Variants in SPRTN observed in about 807,000 individuals in gnomAD.
SPRTN encodes SprT-like N-terminal domain, also known as DNA-dependent metalloprotease SPRTN.
Under a neutral mutation model 31.9 loss-of-function variants are expected in SPRTN, and 11 were observed. That is an observed-to-expected ratio of 0.34 (90% CI 0.22 to 0.57). The LOEUF (loss-of-function observed/expected upper bound fraction) is 0.57, where lower values mean the gene tolerates loss of function less well. SPRTN is among the 20% of genes least tolerant of loss of function. SPRTN has a pLI of 0.86. For missense variants in SPRTN, 482 were observed against 590.1 expected, an observed-to-expected ratio of 0.82 and a Z score of 1.90; for synonymous variants, 185 against 212.1, an observed-to-expected ratio of 0.87 and a Z score of 1.11.
At chr1:231,342,034 T>G (rs561977105) in intron 2 of SPRTN, among the ~76,000 whole-genome samples, 4 of 152,220 alleles carry the variant, frequency 2.6e-5, no homozygotes, top group African/African-American at 9.6e-5. Flanking sequence ...CGCCTCAGCC[T>G]CCCAAAGTGC....
chr1:231,352,351 CTTG>C lies in SPRTN; in HGVS notation c.719-252_719-250del, dbSNP rs901686649. 34 of 1,152,446 alleles carry C rather than the reference CTTG, an allele frequency of 3.0e-5. No homozygotes were observed. In the Admixed American group the frequency reaches 1.2e-3, roughly 40 times the overall value. The allele number at this position is 1,152,446 out of a possible 1,614,324, so 71.4% of individuals were successfully genotyped here. On this transcript the variant is annotated intron_variant, in intron 4 of 4. Transcript: ENST00000295050. ...AAGCAATTTTCAAGGTAAATGTTGC[CTTG>C]TTGTTGGTCTTTGGCATGATAAGAT...
Position 231,354,676 on chromosome 1 carries a change from C to G in SPRTN, c.*1315C>G, listed in dbSNP as rs902295318. On this transcript the variant is annotated 3_prime_UTR_variant, in exon 5 of 5. Transcript: ENST00000295050. ...ATAGCAGGAGTTCATTTTCATTGCT[C>G]TTGCATTTGTATGAATATACTAGAA... The G allele has an allele frequency of 1.3e-5, 2 of 152,412 alleles. No homozygotes were observed. Among genetic ancestry groups the G allele is most frequent in the Non-Finnish European group, 2.9e-5 (2 of 68,254 alleles). 9.4% of individuals were successfully genotyped at this position (152,412 alleles called of 1,614,324 possible).
At chr1:231,352,170 A>T in intron 4 of SPRTN, 1 of 990,252 alleles carries the variant, frequency 1.0e-6, no homozygotes, top group Non-Finnish European at 1.2e-6. Context: ...TGTTGACCCA[A>T]GAACATAGGT....
In SPRTN at chr1:231,346,447, C is replaced by T. The variant is rs115185905; in HGVS notation, c.322-1350C>T. Among the ~76,000 whole-genome samples, 101 of 151,188 alleles carry T rather than the reference C, an allele frequency of 6.7e-4. 1 individual carries two copies. Among genetic ancestry groups the T allele is most frequent in the African/African-American group, 2.2e-3 (92 of 41,204 alleles). On this transcript the variant is annotated intron_variant, in intron 2 of 4. Transcript: ENST00000295050. The stretch of plus-strand genomic sequence containing the variant: ...GTCTCAATGTCCTGACCTCGTGATC[C>T]GGAAGTTGGGCGTTTTTTCATTTGT...
intron 3 of SPRTN, among the ~76,000 whole-genome samples, chr1:231,350,953 T>C (rs1244664143): frequency 1.3e-5 from 2 of 152,262 alleles, no homozygotes; most frequent in African/African-American, 4.8e-5. Context: ...TAAAATCTTA[T>C]CTTTATCCTA....
intron 4 of SPRTN, 131 bp from the exon 5 acceptor site, chr1:231,352,479 T>C (rs1472148564): frequency 7.0e-7 from 1 of 1,419,220 alleles, no homozygotes; most frequent in Non-Finnish European, 9.2e-7. Context: ...TTAATAGGAT[T>C]GTATGGATGT....
At chr1:231,348,722 T>C (rs2102870696) in intron 3 of SPRTN, among the ~76,000 whole-genome samples, 1 of 152,296 alleles carries the variant, frequency 6.6e-6, no homozygotes, top group Non-Finnish European at 1.5e-5. Flanking sequence ...TCCAGTGGCA[T>C]CTCATTTCTC....
rs114800735 is a variant in SPRTN, at chr1:231,354,262, A to T, written c.*901A>T. 2,129 of 972,280 alleles carry T rather than the reference A, an allele frequency of 2.2e-3. 36 individuals are homozygous for T. The African/African-American group carries it at 0.032, about 15-fold the overall frequency. 60.2% of individuals were successfully genotyped at this position (972,280 alleles called of 1,614,324 possible). ...TTGTGCATTTTAAGTAATCTTTTTT[A>T]AAAAAAATATTTTCCATGTTATAGG... On this transcript the variant is annotated 3_prime_UTR_variant, in exon 5 of 5. Transcript: ENST00000295050.
At chr1:231,342,461 G>T (rs1315727269) in intron 2 of SPRTN, among the ~76,000 whole-genome samples, 2 of 151,826 alleles carry the variant, frequency 1.3e-5, no homozygotes, top group Admixed American at 1.3e-4. Context: ...ATGGAGTTTT[G>T]CTCTTGTTGC....
At chr1:231,338,677 C>A in intron 1 of SPRTN, 73 bp downstream of exon 1, 1 of 1,571,730 alleles carries the variant, frequency 6.4e-7, no homozygotes, top group Non-Finnish European at 8.7e-7. Context: ...CTGGTTTTCT[C>A]TCCTTTCTCT....
rs1261293405 is a variant in SPRTN at position 231,354,457 on chromosome 1, T to G, written c.*1096T>G. ...CTTAAGTGCACAGCTGGGTAAACTT[T>G]TACAGTGTTCACCTGTGTAACTACC... On this transcript the variant is annotated 3_prime_UTR_variant, in exon 5 of 5. Transcript: ENST00000295050. 2.2e-6 allele frequency: 2 copies of G among 901,350 alleles called. No homozygotes were observed. The highest frequency in any genetic ancestry group is 2.7e-6 in the Non-Finnish European group (2 of 753,220). The allele number at this position is 901,350 out of a possible 1,614,324, so 55.8% of individuals were successfully genotyped here. A position where few individuals can be genotyped will look rare whatever the true frequency, so the allele number is the denominator to read the frequency against.
Position 231,353,373 on chromosome 1 carries a change from A to G in SPRTN, c.*12A>G, listed in dbSNP as rs1687300723. ...AAGAAAGTCTTTGAAAAAGGTTTCA[A>G]AGTCTCAAGTACCACCTGTATTATC... On this transcript the variant is annotated 3_prime_UTR_variant, in exon 5 of 5. Transcript: ENST00000295050. 1.3e-6 allele frequency: 2 copies of G among 1,560,188 alleles called. No homozygotes were observed. Among genetic ancestry groups the G allele is most frequent in the South Asian group, 2.5e-5 (2 of 80,854 alleles).
intron 2 of SPRTN, among the ~76,000 whole-genome samples, chr1:231,347,223 G>C (rs1442425288): frequency 2.0e-5 from 3 of 152,168 alleles, no homozygotes; most frequent in African/African-American, 7.2e-5. Flanking sequence ...ATTTCCTTTT[G>C]AGTGTCATGT....
chr1:231,348,244 C>T (rs1011252358), intron 3 of SPRTN, among the ~76,000 whole-genome samples: 12 of 152,312 alleles, frequency 7.9e-5, no homozygotes, highest in South Asian at 6.2e-4. Context: ...TTTAGTCCAT[C>T]CTGTATCCTG....
At chr1:231,343,681 G>A (rs2102865176) in intron 2 of SPRTN, among the ~76,000 whole-genome samples, 1 of 152,208 alleles carries the variant, frequency 6.6e-6, no homozygotes, top group South Asian at 2.1e-4. Context: ...GGAGCCACTT[G>A]GAGCCTGTCC....
At chr1:231,340,792 CTG>C (rs2102861471) in intron 2 of SPRTN, among the ~76,000 whole-genome samples, 1 of 118,802 alleles carries the variant, frequency 8.4e-6, no homozygotes, top group African/African-American at 2.7e-5. Flanking sequence ...GAGCGAAACT[CTG>C]TCTCAAAAAA....
At chr1:231,346,551 A>G (rs954537021) in intron 2 of SPRTN, among the ~76,000 whole-genome samples, 3 of 152,032 alleles carry the variant, frequency 2.0e-5, no homozygotes, top group Non-Finnish European at 4.4e-5. Flanking sequence ...CCCTGTTGAC[A>G]TTAGGAGCTC....
intron 4 of SPRTN, chr1:231,352,004 A>T (rs1049247283): frequency 5.0e-6 from 5 of 996,844 alleles, no homozygotes; most frequent in African/African-American, 1.7e-5. Context: ...CCTTCCTATC[A>T]GCTGGATTCT....
At position 231,353,139 on chromosome 1, in the gene SPRTN, T is replaced by C. The variant is rs1289362661; in HGVS notation, c.1248T>C (p.Val416=). Residue 416 remains valine (V), a synonymous_variant, in exon 5 of 5, where the codon GTT becomes GTC. Coordinates refer to ENST00000295050, the MANE Select transcript of SPRTN (RefSeq NM_032018.7). ...GACCTAGGCTAGAAGATAAGACTGTTTTTGACAATTTTTTTATCAAGAAAG... is the reference window on the plus strand; with the variant it reads ...GACCTAGGCTAGAAGATAAGACTGTCTTTGACAATTTTTTTATCAAGAAAG... The part of the protein sequence containing the change: ...NKRPRLEDKT[V]FDNFFIKKEQ... 1 of 1,612,158 alleles carries C rather than the reference T, an allele frequency of 6.2e-7. No individual in the cohort carries two copies. The highest frequency in any genetic ancestry group is 8.5e-7 in the Non-Finnish European group (1 of 1,179,424).
Sources: allele counts gnomAD v4.1 joint callset (sites outside exome capture counted in the v4.1 genomes callset), GRCh38; gene constraint gnomAD v4.1.1; transcripts MANE v1.5; gene names NCBI Gene and HGNC (gene_info 2026-07-23, HGNC 2026-07-21).